METAP2: variants seen among roughly 807,000 people sequenced by gnomAD.
The protein encoded by METAP2 is methionine aminopeptidase 2.
A neutral mutation model predicts 59.4 loss-of-function variants in METAP2; 25 were observed. The observed-to-expected ratio is 0.42, with a 90% CI of 0.31 to 0.59. The LOEUF is 0.59. Among genes scored for constraint, METAP2 ranks in the 20% least tolerant of loss-of-function variants. The pLI, the probability that METAP2 is intolerant of heterozygous loss-of-function variation, is 0.16. For synonymous variants in METAP2, 214 were observed against 194.1 expected, an observed-to-expected ratio of 1.10 and a Z score of -0.85; for missense variants, 366 against 581.2, an observed-to-expected ratio of 0.63 and a Z score of 3.81.
chr12:95,488,351 TAAAA>T (rs1276806839), intron 4 of METAP2, among the ~76,000 whole-genome samples: 3 of 150,560 alleles, frequency 2.0e-5, no homozygotes, highest in Non-Finnish European at 4.4e-5. Flanking sequence ...AATAAAAAAA[TAAAA>T]AAAATTAGCC....
intron 2 of METAP2, among the ~76,000 whole-genome samples, chr12:95,479,180 T>C (rs1310479232): frequency 1.3e-5 from 2 of 152,184 alleles, no homozygotes; most frequent in Admixed American, 1.3e-4. Flanking sequence ...GGAGATCATT[T>C]TGGAGGCCTC....
rs1424567269 is a variant in METAP2, at chr12:95,514,793, G to A, written c.*889G>A. ...AGAAAAAAAAAAACTTCCCATGTTT[G>A]GATCTTGTTCTAGTTAGAAAAATTA... is the stretch of plus-strand genomic sequence containing the variant. On this transcript the variant is annotated 3_prime_UTR_variant, in exon 11 of 11. Coordinates refer to ENST00000323666, the MANE Select transcript of METAP2 (RefSeq NM_006838.4). 6.6e-6 allele frequency: 1 copy of A among 152,112 alleles called. No homozygotes were observed. Among genetic ancestry groups the A allele is most frequent in the Non-Finnish European group, 1.5e-5 (1 of 68,020 alleles). The allele number at this position is 152,112 out of a possible 1,614,324, so 9.4% of individuals were successfully genotyped here. A position where few individuals can be genotyped will look rare whatever the true frequency, so the allele number is the denominator to read the frequency against.
intron 4 of METAP2, among the ~76,000 whole-genome samples, chr12:95,492,711 A>G (rs1462417402): frequency 1.3e-5 from 2 of 152,006 alleles, no homozygotes; most frequent in South Asian, 2.1e-4. Context: ...GATTACAGGG[A>G]TAAGCCCAAC....
intron 2 of METAP2, among the ~76,000 whole-genome samples, chr12:95,477,635 A>G (rs1205416818): frequency 2.0e-5 from 3 of 152,142 alleles, no homozygotes; most frequent in South Asian, 4.1e-4. Flanking sequence ...GGGCTTTCCC[A>G]TTCTTTTTAT....
chr12:95,486,892 TA>T (rs1420965608), intron 4 of METAP2, among the ~76,000 whole-genome samples: 1 of 152,192 alleles, frequency 6.6e-6, no homozygotes, highest in East Asian at 1.9e-4. Flanking sequence ...AGGTGTTCTG[TA>T]AGGATACATT....
At chr12:95,494,880 T>A in intron 5 of METAP2, 77 bp from the exon 6 acceptor site, 2 of 1,195,030 alleles carry the variant, frequency 1.7e-6, no homozygotes, top group Non-Finnish European at 2.3e-6. Flanking sequence ...CTTTCTGGAC[T>A]TGATGAACTA....
At chr12:95,482,715 C>A (rs1264632115) in intron 2 of METAP2, among the ~76,000 whole-genome samples, 3 of 152,034 alleles carry the variant, frequency 2.0e-5, no homozygotes, top group African/African-American at 7.2e-5. Flanking sequence ...TCACTCAAAC[C>A]TGGGAGGCGG....
intron 2 of METAP2, among the ~76,000 whole-genome samples, chr12:95,482,706 C>T (rs1390117402): frequency 6.6e-6 from 1 of 151,932 alleles, no homozygotes; most frequent in Non-Finnish European, 1.5e-5. Flanking sequence ...ACATGAGAAT[C>T]ACTCAAACCT....
intron 4 of METAP2, 120 bp from the exon 5 acceptor site, chr12:95,493,936 G>T: frequency 1.3e-6 from 1 of 765,368 alleles, no homozygotes; most frequent in Non-Finnish European, 1.9e-6. Flanking sequence ...AAACTTTATT[G>T]ACATAAACTG....
chr12:95,504,773 G>A (rs1394151235), intron 8 of METAP2, among the ~76,000 whole-genome samples: 3 of 152,208 alleles, frequency 2.0e-5, no homozygotes, highest in Admixed American at 1.3e-4. Flanking sequence ...CAAAGTGCAG[G>A]GATAACAGGT....
In METAP2 at chr12:95,512,138, A is replaced by G. The variant is rs554972053; in HGVS notation, c.1068+140A>G. ...TATTCACCCTGCCAGGAATTGGGCC[A>G]TTTGAATTTGCAAATTGTGTATAGT... is the stretch of plus-strand genomic sequence containing the variant. On this transcript the variant is annotated intron_variant, in intron 9 of 10. Coordinates refer to ENST00000323666, the MANE Select transcript of METAP2 (RefSeq NM_006838.4). The G allele has an allele frequency of 1.2e-4, 72 of 613,562 alleles. No individual in the cohort carries two copies. The African/African-American group carries it at 1.2e-3, about 10-fold the overall frequency. 38.0% of individuals were successfully genotyped at this position (613,562 alleles called of 1,614,324 possible).
chr12:95,509,088 A>G (rs1412529455), intron 8 of METAP2, among the ~76,000 whole-genome samples: 1 of 152,208 alleles, frequency 6.6e-6, no homozygotes, highest in Non-Finnish European at 1.5e-5. Context: ...GTGATTGTTA[A>G]CAAATTACTG....
Position 95,501,423 on chromosome 12 carries a change from T to G in METAP2, c.868-2642T>G, listed in dbSNP as rs527589041. Reference sequence around the variant, plus strand: ...TTAATAATAATACTAGCTTTTAGAATAAAAATAATTTTGGCCGCGCGCGGT... The same window carrying G: ...TTAATAATAATACTAGCTTTTAGAAGAAAAATAATTTTGGCCGCGCGCGGT... On this transcript the variant is annotated intron_variant, in intron 7 of 10. Coordinates refer to ENST00000323666, the MANE Select transcript of METAP2 (RefSeq NM_006838.4). Among the ~76,000 whole-genome samples, 159 of 152,288 alleles carry G rather than the reference T, an allele frequency of 1.0e-3. 1 individual carries two copies. Among genetic ancestry groups the G allele is most frequent in the African/African-American group, 3.7e-3 (155 of 41,576 alleles).
chr12:95,507,301 C>T (rs1594436802), intron 8 of METAP2, among the ~76,000 whole-genome samples: 1 of 152,202 alleles, frequency 6.6e-6, no homozygotes, highest in African/African-American at 2.4e-5. Context: ...CATTCTGTCC[C>T]CTTCTCACCC....
At chr12:95,475,409 T>G (rs2076110723) in intron 1 of METAP2, among the ~76,000 whole-genome samples, 1 of 152,214 alleles carries the variant, frequency 6.6e-6, no homozygotes, top group Non-Finnish European at 1.5e-5. Context: ...GTTTGTCTTG[T>G]AAGGTGTTAA....
rs12303728 is a variant in METAP2 at position 95,510,972 on chromosome 12, C to T, written c.965-923C>T. Among the ~76,000 whole-genome samples, 514 of 152,044 alleles carry T rather than the reference C, an allele frequency of 3.4e-3. 2 individuals are homozygous for T. Among genetic ancestry groups the T allele is most frequent in the African/African-American group, 0.012 (479 of 41,360 alleles). On this transcript the variant is annotated intron_variant, in intron 8 of 10. Coordinates refer to ENST00000323666, the MANE Select transcript of METAP2 (RefSeq NM_006838.4). ...AAACAACTGGAATAAAAAAGCTAGA[C>T]GTTTTATTCCAGTTGTTAAATGTAT... is the stretch of plus-strand genomic sequence containing the variant.
chr12:95,509,968 A>G (rs1182969976), intron 8 of METAP2, among the ~76,000 whole-genome samples: 1 of 150,854 alleles, frequency 6.6e-6, no homozygotes, highest in Non-Finnish European at 1.5e-5. Flanking sequence ...CCTCCCAAAT[A>G]GCTGGGACTA....
intron 8 of METAP2, among the ~76,000 whole-genome samples, chr12:95,508,593 T>C (rs2076379298): frequency 6.6e-6 from 1 of 152,204 alleles, no homozygotes; most frequent in Non-Finnish European, 1.5e-5. Flanking sequence ...TTTCTCTTTT[T>C]TGAGAATTTG....
intron 8 of METAP2, among the ~76,000 whole-genome samples, chr12:95,506,487 G>A (rs1430795351): frequency 6.6e-6 from 1 of 151,798 alleles, no homozygotes; most frequent in Non-Finnish European, 1.5e-5. Flanking sequence ...TTTTAGTAGA[G>A]ACGGGGTTTC....
Sources: gnomAD v4.1 joint callset for allele counts (sites outside exome capture counted in the v4.1 genomes callset) on GRCh38, gnomAD v4.1.1 for gene constraint, MANE v1.5 for transcripts, NCBI Gene and HGNC (gene_info 2026-07-23, HGNC 2026-07-21) for gene names.